The following MUC22 variants were observed in gnomAD, a reference collection of about 807,000 sequenced individuals.
MUC22 encodes the protein mucin 22, also known as mucin-22.
MUC22 carries 24 observed loss-of-function variants against 40.3 expected under a neutral mutation model. That is an observed-to-expected ratio of 0.60 (90% CI 0.43 to 0.84). MUC22 has a LOEUF of 0.84. Ranked by LOEUF, MUC22 falls within the 40% of genes least tolerant of loss-of-function variation. The pLI is 0.00. For missense variants in MUC22, 1,926 were observed against 2,130.7 expected (o/e 0.90, Z 1.89); for synonymous variants, 765 against 844.5 (o/e 0.91, Z 1.63).
At chr6:31,013,489 CTTGT>C (rs1430486629) in intron 1 of MUC22, among the ~76,000 whole-genome samples, 3 of 152,096 alleles carry the variant, frequency 2.0e-5, no homozygotes, top group African/African-American at 2.4e-5. Context: ...CTCCCACTCA[CTTGT>C]TTATTTTATT....
intron 1 of MUC22, 115 bp downstream of exon 1, chr6:31,010,891 A>ATTTT: frequency 1.8e-6 from 1 of 548,056 alleles, no homozygotes; most frequent in Non-Finnish European, 3.2e-6. Flanking sequence ...ATGATGATTC[A>ATTTT]TTTTTTTTTT....
chr6:31,030,681 A>C (rs900309624), intron 2 of MUC22, among the ~76,000 whole-genome samples: 4 of 152,072 alleles, frequency 2.6e-5, no homozygotes, highest in Non-Finnish European at 5.9e-5. Context: ...AGCCCGCCTC[A>C]ACTCTACTGG....
intron 1 of MUC22, among the ~76,000 whole-genome samples, chr6:31,020,755 G>A (rs1581625315): frequency 3.3e-5 from 5 of 152,182 alleles, no homozygotes; most frequent in South Asian, 4.1e-4. Context: ...GACTGTGCGC[G>A]GCGCTTGCGG....
chr6:31,035,004 G>A (rs1766351527), exon 4 of MUC22: 3 of 1,468,380 alleles, frequency 2.0e-6, no homozygotes, highest in Non-Finnish European at 2.7e-6. Flanking sequence ...GATGGCTGTG[G>A]CCATAGATTG....
chr6:31,028,254 C>G, exon 2 of MUC22: 1 of 1,534,200 alleles, frequency 6.5e-7, no homozygotes, highest in Non-Finnish European at 8.7e-7. Flanking sequence ...CTACTGAAGG[C>G]TCTGGGACCA....
chr6:31,018,668 C>T (rs893785139), intron 1 of MUC22, among the ~76,000 whole-genome samples: 3 of 152,254 alleles, frequency 2.0e-5, no homozygotes, highest in African/African-American at 7.2e-5. Context: ...TTGGGGTCTA[C>T]CCCATCATGC....
At chr6:31,028,244 C>G in exon 2 of MUC22, 1 of 1,534,974 alleles carries the variant, frequency 6.5e-7, no homozygotes. Flanking sequence ...ACCACAGTCT[C>G]TACTGAAGGC....
intron 1 of MUC22, among the ~76,000 whole-genome samples, chr6:31,022,091 G>T (rs1764844601): frequency 1.3e-5 from 2 of 152,006 alleles, no homozygotes; most frequent in African/African-American, 4.8e-5. Context: ...GCCAGCGAGA[G>T]CACAAACCCA....
chr6:31,031,119 A>G (rs541954475), intron 2 of MUC22, among the ~76,000 whole-genome samples: 1 of 152,208 alleles, frequency 6.6e-6, no homozygotes, highest in East Asian at 1.9e-4. Flanking sequence ...TTCTATTCTC[A>G]TGACTGGTGC....
chr6:31,029,332 A>G, exon 2 of MUC22: 3 of 1,529,220 alleles, frequency 2.0e-6, no homozygotes, highest in South Asian at 1.2e-5. Flanking sequence ...AGTCTATACC[A>G]CAGGCTCTGA....
At position 31,021,608 on chromosome 6, in the gene MUC22, G is replaced by A. The variant is rs377314562; in HGVS notation, c.71-3894G>A. On this transcript the variant is annotated intron_variant, in intron 1 of 3. Coordinates refer to ENST00000561890, the Ensembl canonical transcript of MUC22. ...CTCAAAGTTTGTGAGTGCACCAATC[G>A]ACACTCTGTATCTAGCTGCTCTGGA... Among the ~76,000 whole-genome samples, 32 of 149,706 alleles carry A rather than the reference G, an allele frequency of 2.1e-4. 2 individuals are homozygous for A. The highest frequency in any genetic ancestry group is 5.3e-4 in the Admixed American group (8 of 15,134).
intron 1 of MUC22, among the ~76,000 whole-genome samples, chr6:31,023,835 T>C (rs114551400): frequency 0.023 from 3,555 of 152,124 alleles, 67 homozygotes; most frequent in Non-Finnish European, 0.027. Context: ...TAAGAAGAGG[T>C]ATATTATTAG....
At chr6:31,008,115 G>C (rs1347577944), upstream of MUC22, among the ~76,000 whole-genome samples, 1 of 152,254 alleles carries the variant, frequency 6.6e-6, no homozygotes, top group Non-Finnish European at 1.5e-5. Flanking sequence ...TCAAAGTCCT[G>C]TTTGGACATG....
intron 1 of MUC22, among the ~76,000 whole-genome samples, chr6:31,022,961 C>T (rs1299755368): frequency 6.6e-6 from 1 of 151,904 alleles, no homozygotes; most frequent in African/African-American, 2.4e-5. Context: ...GAAACCCTGT[C>T]TCTACTAAAA....
chr6:31,020,342 C>G (rs1276903411), intron 1 of MUC22, among the ~76,000 whole-genome samples: 3 of 151,472 alleles, frequency 2.0e-5, no homozygotes, highest in Admixed American at 2.0e-4. Context: ...ACTTTATCAA[C>G]CTAGAATTAC....
At chr6:31,020,877 G>A (rs1764656291) in intron 1 of MUC22, among the ~76,000 whole-genome samples, 1 of 152,330 alleles carries the variant, frequency 6.6e-6, no homozygotes, top group Non-Finnish European at 1.5e-5. Flanking sequence ...CAGTGGCTGC[G>A]GAGGGTGTAC....
At chr6:31,023,149 C>T (rs1424941979) in intron 1 of MUC22, among the ~76,000 whole-genome samples, 3 of 137,902 alleles carry the variant, frequency 2.2e-5, no homozygotes, top group Non-Finnish European at 4.7e-5. Flanking sequence ...AAACAAAAAA[C>T]AAAATACTGG....
chr6:31,020,690 C>G (rs919443629), intron 1 of MUC22, among the ~76,000 whole-genome samples: 3 of 152,164 alleles, frequency 2.0e-5, no homozygotes, highest in African/African-American at 7.2e-5. Context: ...GAGGCCAGAG[C>G]CGGCTCCCTC....
exon 4 of MUC22, chr6:31,034,917 T>C (rs1766341909): frequency 6.5e-7 from 1 of 1,535,354 alleles, no homozygotes; most frequent in Non-Finnish European, 8.7e-7. Flanking sequence ...GCGGGCATTA[T>C]GGACATGGAG....
Sources: gnomAD v4.1 joint callset for allele counts (sites outside exome capture counted in the v4.1 genomes callset) on GRCh38, gnomAD v4.1.1 for gene constraint, MANE v1.5 for transcripts, NCBI Gene and HGNC (gene_info 2026-07-23, HGNC 2026-07-21) for gene names.